The following SNRNP35 variants were observed in gnomAD, a reference collection of about 807,000 sequenced individuals.
SNRNP35 encodes the protein small nuclear ribonucleoprotein U11/U12 subunit 35.
SNRNP35 carries 16 observed loss-of-function variants against 24.3 expected under a neutral mutation model. The observed-to-expected ratio is 0.66, with a 90% CI of 0.45 to 1.00. The LOEUF is 1.00. Among genes scored for constraint, SNRNP35 ranks in the 50% least tolerant of loss-of-function variants. The probability of loss-of-function intolerance (pLI) is 0.00; values close to 1 mark genes in which losing one functional copy is unlikely to be tolerated. For missense variants in SNRNP35, 292 were observed against 327.2 expected (o/e 0.89, Z 0.83); for synonymous variants, 106 against 124.8 (o/e 0.85, Z 1.00).
intron 1 of SNRNP35, among the ~76,000 whole-genome samples, chr12:123,460,494 G>A (rs1327276506): frequency 6.6e-6 from 1 of 150,490 alleles, no homozygotes; most frequent in Non-Finnish European, 1.5e-5. Flanking sequence ...GGCTGGGTTC[G>A]CTGGCTCACA....
In SNRNP35 at chr12:123,465,755, C is replaced by A; in HGVS notation, c.215C>A (p.Ser72Tyr). 6.2e-7 allele frequency: 1 copy of A among 1,613,976 alleles called. No individual in the cohort carries two copies. Among genetic ancestry groups the A allele is most frequent in the Non-Finnish European group, 8.5e-7 (1 of 1,179,960 alleles). Residue 72 changes from serine to tyrosine, a missense_variant, in exon 2 of 2, where the codon TCC (serine) becomes TAC (tyrosine). Coordinates refer to ENST00000526639, the MANE Select transcript of SNRNP35 (RefSeq NM_022717.4). The surrounding 1 kb of genome is among the most constrained non-coding windows in gnomAD (Gnocchi z 4.2). ...TKEDKLKEVF[S>Y]RYGDIRRLRL... is the part of the protein sequence containing the mutation. Reference sequence around the variant, plus strand: ...GAGGACAAATTAAAGGAAGTCTTTTCCCGCTATGGTGACATCCGGCGGCTT... The same window carrying A: ...GAGGACAAATTAAAGGAAGTCTTTTACCGCTATGGTGACATCCGGCGGCTT...
At chr12:123,472,417 G>T in exon 2 of SNRNP35, 1 of 1,023,618 alleles carries the variant, frequency 9.8e-7, no homozygotes, top group Non-Finnish European at 1.4e-6. Context: ...CTGTTTGAGG[G>T]GTCAGTTTTC....
intron 1 of SNRNP35, chr12:123,459,103 GATT>G (rs1880456298): frequency 7.6e-6 from 1 of 131,936 alleles, no homozygotes; most frequent in Non-Finnish European, 1.6e-5. Context: ...CCGGAGAATT[GATT>G]ATTGATTGAT....
At chr12:123,458,965 G>C (rs1880446812) in intron 1 of SNRNP35, 1 of 149,240 alleles carries the variant, frequency 6.7e-6, no homozygotes, top group South Asian at 2.1e-4. Flanking sequence ...TTTCCCCAGA[G>C]ACAGGGAGTC....
downstream of SNRNP35, among the ~76,000 whole-genome samples, chr12:123,468,857 C>T (rs373301619): frequency 6.6e-6 from 1 of 152,188 alleles, no homozygotes; most frequent in Non-Finnish European, 1.5e-5. Context: ...TTTGATCTAG[C>T]AATTCTGCTT....
exon 2 of SNRNP35, chr12:123,472,816 T>TG: frequency 1.1e-6 from 1 of 929,812 alleles, no homozygotes; most frequent in Non-Finnish European, 1.6e-6. Flanking sequence ...AAGACAAAGT[T>TG]GGGGGTGCAG....
Position 123,465,756 on chromosome 12 carries a change from C to A in SNRNP35, c.216C>A (p.Ser72=), listed in dbSNP as rs779794252. Residue 72 remains serine (S), a synonymous_variant, in exon 2 of 2, where the codon TCC becomes TCA. Transcript: ENST00000526639. This position sits in a 1 kb window ranked among gnomAD's most constrained non-coding sequence, Gnocchi z 4.2. ...TKEDKLKEVF[S]RYGDIRRLRL... ...AGGACAAATTAAAGGAAGTCTTTTC[C>A]CGCTATGGTGACATCCGGCGGCTTC... 3 of 1,613,908 alleles carry A rather than the reference C, an allele frequency of 1.9e-6. No individual in the cohort carries two copies. The highest frequency in any genetic ancestry group is 4.5e-5 in the East Asian group (2 of 44,888).
At chr12:123,461,337 A>G (rs1880617811) in intron 1 of SNRNP35, among the ~76,000 whole-genome samples, 1 of 141,286 alleles carries the variant, frequency 7.1e-6, no homozygotes, top group Non-Finnish European at 1.5e-5. Context: ...TGTGTTAGCC[A>G]GGATGGTCTC....
At chr12:123,468,125 G>A (rs992489685), downstream of SNRNP35, among the ~76,000 whole-genome samples, 3 of 149,188 alleles carry the variant, frequency 2.0e-5, no homozygotes, top group South Asian at 2.2e-4. Flanking sequence ...TTGGGAGGCC[G>A]AGGCGGGCAG....
chr12:123,463,774 T>A (rs1880771479), intron 1 of SNRNP35, among the ~76,000 whole-genome samples: 1 of 151,334 alleles, frequency 6.6e-6, no homozygotes, highest in Non-Finnish European at 1.5e-5. Flanking sequence ...ATTTTTTATT[T>A]TTTTTTTTGA....
At position 123,466,201 on chromosome 12, in the gene SNRNP35, C is replaced by G; in HGVS notation, c.661C>G (p.Pro221Ala). The G allele has an allele frequency of 6.3e-7, 1 of 1,586,088 alleles. No homozygotes were observed. Among genetic ancestry groups the G allele is most frequent in the Non-Finnish European group, 8.6e-7 (1 of 1,168,654 alleles). The change falls in exon 2 of 2, where the codon CCC becomes GCC. Residue 221 changes from proline (P) to alanine (A), a missense_variant. Pro to Ala is a conservative substitution (Grantham distance 27). Coordinates refer to ENST00000526639, the MANE Select transcript of SNRNP35 (RefSeq NM_022717.4). ...WQEREPTRVWPDNDWERERDF... is the reference protein window; with the variant it reads ...WQEREPTRVWADNDWERERDF... ...AGAAAGAGAGCCGACCAGGGTGTGG[C>G]CCGACAATGACTGGGAGAGAGAGAG...
intron 1 of SNRNP35, among the ~76,000 whole-genome samples, chr12:123,463,107 C>A (rs1470067383): frequency 6.6e-6 from 1 of 152,134 alleles, no homozygotes; most frequent in Non-Finnish European, 1.5e-5. Context: ...GTTACCCACA[C>A]TGAAGTACAG....
chr12:123,458,488 T>G (rs1346071518), intron 1 of SNRNP35, among the ~76,000 whole-genome samples: 1 of 151,988 alleles, frequency 6.6e-6, no homozygotes, highest in Admixed American at 6.6e-5. Flanking sequence ...AGGATAGGCT[T>G]TTCCACAGAA....
intron 1 of SNRNP35, 56 bp downstream of exon 1, chr12:123,458,272 A>G: frequency 1.0e-6 from 1 of 973,392 alleles, no homozygotes; most frequent in Non-Finnish European, 1.2e-6. Flanking sequence ...AGGAAGAGGG[A>G]GTGCGGCCCA....
downstream of SNRNP35, chr12:123,471,134 G>A (rs1457959009): frequency 6.7e-6 from 1 of 149,364 alleles, no homozygotes; most frequent in Non-Finnish European, 1.5e-5. Context: ...GCAATGGCAC[G>A]ATCTAGGCTC....
rs1473829108 is a variant in SNRNP35, at chr12:123,466,343, T to TC, written c.*62_*63insC. The TC allele has an allele frequency of 1.4e-6, 2 of 1,465,140 alleles. No individual in the cohort carries two copies. The highest frequency in any genetic ancestry group is 1.8e-6 in the Non-Finnish European group (2 of 1,096,162). 90.8% of individuals were successfully genotyped at this position (1,465,140 alleles called of 1,614,324 possible). On this transcript the variant is annotated 3_prime_UTR_variant, in exon 2 of 2. Transcript: ENST00000526639. ...GGAAATGAGTGGAGGGGGATTGTCT[T>TC]TCAACGCAGCGTGAGTCTAATGGTT...
intron 1 of SNRNP35, among the ~76,000 whole-genome samples, chr12:123,463,056 T>TTTTTTG (rs1302668554): frequency 6.6e-6 from 1 of 151,616 alleles, no homozygotes; most frequent in East Asian, 1.9e-4. Context: ...AGAAACCTGG[T>TTTTTTG]TTTTTGTTTT....
chr12:123,459,214 A>G (rs879490190), intron 1 of SNRNP35: 2 of 152,578 alleles, frequency 1.3e-5, no homozygotes, highest in Non-Finnish European at 2.9e-5. Flanking sequence ...CTGGTATTAC[A>G]GGCGTGAGCC....
At chr12:123,459,804 G>A in intron 1 of SNRNP35, 1 of 1,548,972 alleles carries the variant, frequency 6.5e-7, no homozygotes, top group Non-Finnish European at 8.7e-7. Flanking sequence ...AAAAGAGAAT[G>A]TAAAAATCGA....
Sources: allele counts gnomAD v4.1 joint callset (sites outside exome capture counted in the v4.1 genomes callset), GRCh38; gene constraint gnomAD v4.1.1; non-coding constraint Gnocchi (gnomAD v3.1); transcripts MANE v1.5; gene names NCBI Gene and HGNC (gene_info 2026-07-23, HGNC 2026-07-21).